SCN8A: variants seen among roughly 807,000 people sequenced by gnomAD.
SCN8A encodes sodium voltage-gated channel alpha subunit 8, also known as sodium channel protein type 8 subunit alpha.
SCN8A carries 30 observed loss-of-function variants against 184.1 expected under a neutral mutation model. That is an observed-to-expected ratio of 0.16 (90% confidence interval 0.12 to 0.22). The LOEUF is 0.22. Ranked by LOEUF, SCN8A falls within the 10% of genes least tolerant of loss-of-function variation. The pLI is 1.00. For synonymous variants in SCN8A, 852 were observed against 907.0 expected, an observed-to-expected ratio of 0.94 and a Z score of 1.09; for missense variants, 1,057 against 2,498.9, an observed-to-expected ratio of 0.42 and a Z score of 12.30.
chr12:51,679,555 A>G lies in SCN8A; in HGVS notation c.277-4619A>G, dbSNP rs553859787. Among the ~76,000 whole-genome samples the G allele has an allele frequency of 3.1e-4, 47 of 152,302 alleles. No homozygotes were observed. The South Asian group carries it at 6.8e-3, about 22-fold the overall frequency. On this transcript the variant is annotated intron_variant, in intron 2 of 26. Coordinates refer to ENST00000627620, the MANE Select transcript of SCN8A (RefSeq NM_001330260.2). The stretch of plus-strand genomic sequence containing the variant: ...GGTAAGTTGTTTTAACAGACACTGT[A>G]TGGCCTACAAAGCCTGCAGTATTGA...
intron 13 of SCN8A, among the ~76,000 whole-genome samples, chr12:51,750,857 T>C (rs1942583870): frequency 6.6e-6 from 1 of 152,204 alleles, no homozygotes; most frequent in African/African-American, 2.4e-5. Context: ...TTGAATAATA[T>C]AGTGTATAAT....
At chr12:51,706,378 T>A in intron 10 of SCN8A, 44 bp from the exon 11 acceptor site, 2 of 1,484,020 alleles carry the variant, frequency 1.3e-6, no homozygotes, top group Non-Finnish European at 1.8e-6. Context: ...GTGGCTCCAG[T>A]TAATTGCCCT....
intron 11 of SCN8A, among the ~76,000 whole-genome samples, chr12:51,719,997 A>ACCTG (rs1372055527): frequency 6.8e-6 from 1 of 146,018 alleles, no homozygotes; most frequent in African/African-American, 2.5e-5. Flanking sequence ...AATGGCGTGA[A>ACCTG]CCTGGCAGGC....
intron 1 of SCN8A, among the ~76,000 whole-genome samples, chr12:51,601,860 T>G (rs888430537): frequency 6.7e-6 from 1 of 148,290 alleles, no homozygotes; most frequent in African/African-American, 2.5e-5. Flanking sequence ...AAAGGGTTTT[T>G]TTTTTTTTTT....
At position 51,666,375 on chromosome 12, in the gene SCN8A, A is replaced by G. The variant is rs114121712; in HGVS notation, c.276+3282A>G. ...ACCCGCTGTTATACAAATGTCTTTA[A>G]CTTAGTCAATATGCCAGAATAGCGT... is the stretch of plus-strand genomic sequence containing the variant. On this transcript the variant is annotated intron_variant, in intron 2 of 26. Transcript: ENST00000627620. Among the ~76,000 whole-genome samples the G allele has an allele frequency of 5.5e-3, 831 of 152,312 alleles. 12 individuals are homozygous for G. The highest frequency in any genetic ancestry group is 0.019 in the African/African-American group (778 of 41,544).
chr12:51,616,759 A>G (rs1410590985), intron 1 of SCN8A, among the ~76,000 whole-genome samples: 5 of 151,714 alleles, frequency 3.3e-5, no homozygotes, highest in African/African-American at 1.2e-4. Flanking sequence ...ATCTCTACAA[A>G]TAATAAAAAA....
At chr12:51,770,726 G>C in intron 19 of SCN8A, 43 bp downstream of exon 19, 1 of 1,600,824 alleles carries the variant, frequency 6.2e-7, no homozygotes, top group Non-Finnish European at 8.5e-7. Flanking sequence ...GGCTGGGGAA[G>C]GGTGTAGAGA....
intron 26 of SCN8A, among the ~76,000 whole-genome samples, chr12:51,800,940 G>T (rs1363934809): frequency 6.6e-6 from 1 of 152,222 alleles, no homozygotes; most frequent in Non-Finnish European, 1.5e-5. Flanking sequence ...TATTCAAGGG[G>T]AATATTATTC....
chr12:51,674,027 C>T (rs898227601), intron 2 of SCN8A, among the ~76,000 whole-genome samples: 10 of 152,018 alleles, frequency 6.6e-5, no homozygotes, highest in African/African-American at 2.2e-4. Flanking sequence ...ATATAAAGGC[C>T]GAGAGACATG....
rs552341045 is a variant in SCN8A at position 51,811,339 on chromosome 12, C to T, written c.*3910C>T. On this transcript the variant is annotated 3_prime_UTR_variant, in exon 27 of 27. Coordinates refer to ENST00000627620, the MANE Select transcript of SCN8A (RefSeq NM_001330260.2). ...GCATGTGGCATTCCCCACTACTGGC[C>T]GGTGCTTAGAGGCCCATAAAACCTC... is the stretch of plus-strand genomic sequence containing the variant. 2.0e-5 allele frequency: 3 copies of T among 151,988 alleles called. No homozygotes were observed. The highest frequency in any genetic ancestry group is 1.9e-4 in the East Asian group (1 of 5,182). The allele number at this position is 151,988 out of a possible 1,614,324, so 9.4% of individuals were successfully genotyped here. A position where few individuals can be genotyped will look rare whatever the true frequency, so the allele number is the denominator to read the frequency against.
intron 15 of SCN8A, among the ~76,000 whole-genome samples, chr12:51,764,702 T>C (rs1942811105): frequency 6.6e-6 from 1 of 151,688 alleles, no homozygotes; most frequent in East Asian, 1.9e-4. Context: ...TGATTATTTA[T>C]TACAGAATAT....
Position 51,809,792 on chromosome 12 carries a change from G to A in SCN8A, c.*2363G>A, listed in dbSNP as rs1938832954. The stretch of plus-strand genomic sequence containing the variant: ...GAAATGGCTTCTGGCTTATGCCATT[G>A]TCATGTTTATTTTTATTTTTTATAC... On this transcript the variant is annotated 3_prime_UTR_variant, in exon 27 of 27. Transcript: ENST00000627620. The A allele has an allele frequency of 6.6e-6, 1 of 152,168 alleles. No individual in the cohort carries two copies. The highest frequency in any genetic ancestry group is 1.5e-5 in the Non-Finnish European group (1 of 68,024). 9.4% of individuals were successfully genotyped at this position (152,168 alleles called of 1,614,324 possible). A position where few individuals can be genotyped will look rare whatever the true frequency, so the allele number is the denominator to read the frequency against.
At chr12:51,649,534 T>G (rs1349651626) in intron 1 of SCN8A, among the ~76,000 whole-genome samples, 1 of 152,236 alleles carries the variant, frequency 6.6e-6, no homozygotes, top group Non-Finnish European at 1.5e-5. Context: ...ACCCCAGTTC[T>G]TGACTTCTGT....
At chr12:51,666,642 C>T (rs1565879884) in intron 2 of SCN8A, among the ~76,000 whole-genome samples, 1 of 152,178 alleles carries the variant, frequency 6.6e-6, no homozygotes, top group Non-Finnish European at 1.5e-5. Flanking sequence ...CCTCATAGGT[C>T]TCATTTTCTA....
intron 26 of SCN8A, among the ~76,000 whole-genome samples, chr12:51,799,606 A>G (rs1394156091): frequency 1.3e-5 from 2 of 152,216 alleles, no homozygotes; most frequent in East Asian, 3.8e-4. Context: ...CTGCTGGGTC[A>G]TATAGCCCAA....
intron 9 of SCN8A, among the ~76,000 whole-genome samples, chr12:51,703,682 T>C (rs1406360798): frequency 6.6e-6 from 1 of 152,260 alleles, no homozygotes; most frequent in Admixed American, 6.5e-5. Context: ...CTAAGTGTCT[T>C]ACAGCTTAGA....
intron 15 of SCN8A, among the ~76,000 whole-genome samples, chr12:51,763,795 G>T (rs1007603909): frequency 6.6e-6 from 1 of 152,230 alleles, no homozygotes; most frequent in African/African-American, 2.4e-5. Flanking sequence ...CCTGGCATTA[G>T]AATTGGCTTG....
intron 11 of SCN8A, among the ~76,000 whole-genome samples, chr12:51,711,184 TG>T (rs1422199623): frequency 6.6e-6 from 1 of 152,242 alleles, no homozygotes; most frequent in East Asian, 1.9e-4. Context: ...ACCTTAGCGC[TG>T]TTAACGCTTT....
chr12:51,745,680 G>T (rs527715085), intron 12 of SCN8A, among the ~76,000 whole-genome samples: 1 of 152,326 alleles, frequency 6.6e-6, no homozygotes, highest in East Asian at 1.9e-4. Flanking sequence ...TGGGGTCATT[G>T]TAGATTCACA....
Sources: gnomAD v4.1 joint callset for allele counts (sites outside exome capture counted in the v4.1 genomes callset) on GRCh38, gnomAD v4.1.1 for gene constraint, MANE v1.5 for transcripts, NCBI Gene and HGNC (gene_info 2026-07-23, HGNC 2026-07-21) for gene names.